RCAN1: variants seen among roughly 807,000 people sequenced by gnomAD.
RCAN1 encodes calcipressin-1.
In RCAN1, 11 loss-of-function variants were observed where a neutral mutation model predicts 22.9. The ratio of observed to expected loss-of-function variants is 0.48; its 90% confidence interval spans 0.30 to 0.79. The LOEUF is 0.79. Among genes scored for constraint, RCAN1 ranks in the 30% least tolerant of loss-of-function variants. RCAN1 has a pLI of 0.06. For missense variants in RCAN1, 291 were observed against 337.8 expected (o/e 0.86, Z 1.09); for synonymous variants, 136 against 142.3 (o/e 0.96, Z 0.32).
At chr21:34,535,316 C>T (rs1985619211) in intron 1 of RCAN1, among the ~76,000 whole-genome samples, 1 of 151,976 alleles carries the variant, frequency 6.6e-6, no homozygotes, top group South Asian at 2.1e-4. Context: ...GAAATGGGCT[C>T]AGGAGTGTAT....
intron 1 of RCAN1, among the ~76,000 whole-genome samples, chr21:34,577,922 G>A (rs1051959427): frequency 4.6e-5 from 7 of 152,178 alleles, no homozygotes; most frequent in Non-Finnish European, 1.0e-4. Context: ...GCAAGTTCAG[G>A]AACAGATCAA....
At chr21:34,559,523 A>G (rs924410289) in intron 1 of RCAN1, 2 of 152,182 alleles carry the variant, frequency 1.3e-5, no homozygotes, top group Non-Finnish European at 2.9e-5. Flanking sequence ...CATGCTCTGA[A>G]ATAACCCTTT....
intron 1 of RCAN1, among the ~76,000 whole-genome samples, chr21:34,555,429 T>C (rs530645450): frequency 6.6e-6 from 1 of 152,190 alleles, no homozygotes; most frequent in East Asian, 1.9e-4. Context: ...GATCCCATGA[T>C]TGGCAGGGTG....
intron 1 of RCAN1, among the ~76,000 whole-genome samples, chr21:34,539,554 A>C (rs1226053323): frequency 6.6e-6 from 1 of 152,216 alleles, no homozygotes; most frequent in Non-Finnish European, 1.5e-5. Flanking sequence ...TATTACTTTT[A>C]TAATAACAAA....
At chr21:34,609,600 A>C (rs1988630477) in intron 1 of RCAN1, among the ~76,000 whole-genome samples, 2 of 152,226 alleles carry the variant, frequency 1.3e-5, no homozygotes, top group Non-Finnish European at 2.9e-5. Context: ...CTCCTGCCTT[A>C]GCTATTCTGC....
intron 1 of RCAN1, among the ~76,000 whole-genome samples, chr21:34,549,671 C>A (rs887295824): frequency 6.6e-6 from 1 of 152,150 alleles, no homozygotes; most frequent in Non-Finnish European, 1.5e-5. Flanking sequence ...GCAGCTGTCT[C>A]CAAGATGGAG....
chr21:34,585,482 A>T (rs554097641), intron 1 of RCAN1, among the ~76,000 whole-genome samples: 3 of 152,252 alleles, frequency 2.0e-5, no homozygotes, highest in Non-Finnish European at 4.4e-5. Flanking sequence ...AGTGGCTCAC[A>T]CCTGTAATCC....
At chr21:34,526,860 A>T (rs949952941) in intron 1 of RCAN1, 24 of 1,481,752 alleles carry the variant, frequency 1.6e-5, no homozygotes, top group Middle Eastern at 1.8e-4. Context: ...TAAAGCAGTA[A>T]GGGCCAGCCC....
intron 1 of RCAN1, among the ~76,000 whole-genome samples, chr21:34,578,973 T>C (rs1987509903): frequency 6.6e-6 from 1 of 151,922 alleles, no homozygotes; most frequent in East Asian, 1.9e-4. Context: ...TAACAACACA[T>C]ACAACAAACA....
intron 1 of RCAN1, among the ~76,000 whole-genome samples, chr21:34,568,768 C>T (rs1005729991): frequency 1.3e-5 from 2 of 152,228 alleles, no homozygotes; most frequent in African/African-American, 2.4e-5. Context: ...CATTTCATCC[C>T]TTTTTTCTTC....
At chr21:34,533,339 T>C (rs1366693939) in intron 1 of RCAN1, among the ~76,000 whole-genome samples, 1 of 152,252 alleles carries the variant, frequency 6.6e-6, no homozygotes, top group African/African-American at 2.4e-5. Flanking sequence ...CTCTGCCTGT[T>C]AGGTGTAACC....
At chr21:34,539,966 G>A (rs1036609458) in intron 1 of RCAN1, among the ~76,000 whole-genome samples, 2 of 152,076 alleles carry the variant, frequency 1.3e-5, no homozygotes, top group Non-Finnish European at 2.9e-5. Context: ...GAGTGCCAGG[G>A]GACACTCATC....
chr21:34,526,570 G>A (rs2123592009), intron 1 of RCAN1: 1 of 1,301,376 alleles, frequency 7.7e-7, no homozygotes, highest in Non-Finnish European at 1.0e-6. Flanking sequence ...AAACCCACAA[G>A]AGAGCCACAT....
intron 1 of RCAN1, among the ~76,000 whole-genome samples, chr21:34,530,782 G>A (rs867952740): frequency 2.6e-5 from 4 of 151,806 alleles, no homozygotes; most frequent in Admixed American, 6.6e-5. Context: ...CTGCCACCAC[G>A]CCCAGCTAAT....
chr21:34,517,886 G>A lies in RCAN1; in HGVS notation c.*198C>T, dbSNP rs767771087. On this transcript the variant is annotated 3_prime_UTR_variant, in exon 4 of 4. Coordinates refer to ENST00000313806, the MANE Select transcript of RCAN1 (RefSeq NM_004414.7). ...TCAGTGATTGGCCCAAGTCATTCCC[G>A]GGTGCCATGAACAGTAACTGGTGTG... is the stretch of plus-strand genomic sequence containing the variant. The A allele has an allele frequency of 1.8e-4, 111 of 616,336 alleles. No homozygotes were observed. The highest frequency in any genetic ancestry group is 4.4e-4 in the Middle Eastern group (1 of 2,268). 38.2% of individuals were successfully genotyped at this position (616,336 alleles called of 1,614,324 possible). A position where few individuals can be genotyped will look rare whatever the true frequency, so the allele number is the denominator to read the frequency against.
At chr21:34,550,184 C>G (rs531223094) in intron 1 of RCAN1, among the ~76,000 whole-genome samples, 1 of 152,164 alleles carries the variant, frequency 6.6e-6, no homozygotes, top group African/African-American at 2.4e-5. Context: ...CTTACTTCCA[C>G]GACAAAACAG....
intron 1 of RCAN1, chr21:34,526,627 A>G: frequency 6.3e-7 from 1 of 1,598,090 alleles, no homozygotes; most frequent in Admixed American, 1.8e-5. Flanking sequence ...AATGCTTTGA[A>G]AACTAAAGAA....
intron 1 of RCAN1, among the ~76,000 whole-genome samples, chr21:34,590,745 G>T (rs1488870623): frequency 1.3e-5 from 2 of 152,226 alleles, no homozygotes; most frequent in African/African-American, 4.8e-5. Flanking sequence ...TGAGTGCAGG[G>T]CTTCAGGATG....
intron 1 of RCAN1, chr21:34,525,571 A>C (rs1266533136): frequency 2.1e-6 from 1 of 470,874 alleles, no homozygotes; most frequent in Non-Finnish European, 3.6e-6. Context: ...TTTGGGAGAG[A>C]TGACTTTGAA....
Sources: allele counts gnomAD v4.1 joint callset (sites outside exome capture counted in the v4.1 genomes callset), GRCh38; gene constraint gnomAD v4.1.1; transcripts MANE v1.5; gene names NCBI Gene and HGNC (gene_info 2026-07-23, HGNC 2026-07-21).